The following CLIP1 variants were observed in gnomAD, a reference collection of about 807,000 sequenced individuals.
The protein encoded by CLIP1 is CAP-Gly domain containing linker protein 1, also known as CAP-Gly domain-containing linker protein 1.
Under a neutral mutation model 161.6 loss-of-function variants are expected in CLIP1, and 66 were observed. The ratio of observed to expected loss-of-function variants is 0.41; its 90% CI spans 0.33 to 0.50. The LOEUF is 0.50. Among genes scored for constraint, CLIP1 ranks in the 20% least tolerant of loss-of-function variants. The pLI is 0.27. For synonymous variants in CLIP1, 598 were observed against 626.2 expected, an observed-to-expected ratio of 0.96 and a Z score of 0.67; for missense variants, 1,376 against 1,702.0, an observed-to-expected ratio of 0.81 and a Z score of 3.37.
intron 8 of CLIP1, among the ~76,000 whole-genome samples, chr12:122,351,526 T>A (rs1428307900): frequency 6.6e-6 from 1 of 152,208 alleles, no homozygotes; most frequent in African/African-American, 2.4e-5. Context: ...AATGCCCCCC[T>A]TGCTCTTTGT....
rs200905334 is a variant in CLIP1 at position 122,341,433 on chromosome 12, G to T, written c.1771C>A (p.Leu591Met). The T allele has an allele frequency of 6.2e-7, 1 of 1,614,058 alleles. No individual in the cohort carries two copies. Among genetic ancestry groups the T allele is most frequent in the Non-Finnish European group, 8.5e-7 (1 of 1,179,978 alleles). ...EETHQKEIKA[L>M]YTATEKLSKE... ...GAAAGCTTTTCCGTGGCGGTATACA[G>T]AGCCTTTATCTCCTTCTGATGAGTT... The change falls in exon 11 of 26, where the codon CTG becomes ATG. Residue 591 changes from leucine (L) to methionine (M), a missense_variant. Leu to Met is a conservative substitution (Grantham distance 15). Around this residue, in one of 6 missense-constraint regions of CLIP1, gnomAD observed 948 missense variants for 1,134.8 expected, o/e 0.84. Coordinates refer to ENST00000620786, the MANE Select transcript of CLIP1 (RefSeq NM_001247997.2).
intron 20 of CLIP1, among the ~76,000 whole-genome samples, chr12:122,302,331 A>G (rs1162557787): frequency 6.6e-6 from 1 of 151,882 alleles, no homozygotes; most frequent in African/African-American, 2.4e-5. Flanking sequence ...TGAACTCCTG[A>G]CCTCAGGTGA....
chr12:122,374,926 C>T (rs1355720927), intron 3 of CLIP1, among the ~76,000 whole-genome samples: 1 of 152,132 alleles, frequency 6.6e-6, no homozygotes, highest in African/African-American at 2.4e-5. Context: ...AAATTCAGCA[C>T]AGAACATGCA....
chr12:122,383,740 G>A (rs1955115370), intron 1 of CLIP1, among the ~76,000 whole-genome samples: 1 of 151,962 alleles, frequency 6.6e-6, no homozygotes, highest in East Asian at 1.9e-4. Context: ...TCTTTGTCAT[G>A]GTACCCACAA....
chr12:122,361,325 A>G (rs1953795695), intron 4 of CLIP1, 144 bp from the exon 5 acceptor site: 1 of 659,534 alleles, frequency 1.5e-6, no homozygotes, highest in Non-Finnish European at 2.6e-6. Flanking sequence ...ACCAGCACGT[A>G]GCAGTCACAT....
intron 20 of CLIP1, among the ~76,000 whole-genome samples, chr12:122,293,474 ATTTC>A (rs1443327963): frequency 2.0e-5 from 3 of 148,208 alleles, no homozygotes; most frequent in Middle Eastern, 3.4e-3. Flanking sequence ...TGGTTTGAGA[ATTTC>A]TTTTTCTTTT....
At chr12:122,389,485 G>A (rs1955487122) in intron 1 of CLIP1, among the ~76,000 whole-genome samples, 1 of 152,064 alleles carries the variant, frequency 6.6e-6, no homozygotes, top group South Asian at 2.1e-4. Flanking sequence ...AGGGCCGGGT[G>A]CGGTGGCTCA....
chr12:122,404,129 G>C (rs1486124348), intron 1 of CLIP1, among the ~76,000 whole-genome samples: 2 of 152,208 alleles, frequency 1.3e-5, no homozygotes, highest in African/African-American at 2.4e-5. Context: ...CCCAAAGCTT[G>C]GCCCTGAACA....
At chr12:122,394,941 T>C (rs1955852040) in intron 1 of CLIP1, among the ~76,000 whole-genome samples, 1 of 152,124 alleles carries the variant, frequency 6.6e-6, no homozygotes, top group Non-Finnish European at 1.5e-5. Flanking sequence ...AACCAACACC[T>C]TTTCTTCCAA....
chr12:122,294,200 G>A (rs1241722683), intron 20 of CLIP1, among the ~76,000 whole-genome samples: 2 of 151,054 alleles, frequency 1.3e-5, no homozygotes, highest in African/African-American at 2.4e-5. Context: ...GTGGTGGTGG[G>A]TGCCTGTAGT....
chr12:122,385,519 G>A (rs897646646), intron 1 of CLIP1, among the ~76,000 whole-genome samples: 3 of 152,184 alleles, frequency 2.0e-5, no homozygotes, highest in Non-Finnish European at 4.4e-5. Flanking sequence ...AAGGATAGGA[G>A]GTGGTGGTTA....
chr12:122,329,479 A>C (rs1202275152), intron 15 of CLIP1, among the ~76,000 whole-genome samples: 1 of 151,564 alleles, frequency 6.6e-6, no homozygotes, highest in Non-Finnish European at 1.5e-5. Context: ...AAATACAAAA[A>C]ATTAGCCGGG....
chr12:122,336,389 G>A (rs1169139736), intron 12 of CLIP1, among the ~76,000 whole-genome samples: 10 of 146,928 alleles, frequency 6.8e-5, no homozygotes, highest in African/African-American at 2.3e-4. Flanking sequence ...AAAGCAGTGC[G>A]TTACCAAAGG....
At chr12:122,298,379 C>T (rs959917100) in intron 20 of CLIP1, among the ~76,000 whole-genome samples, 1 of 151,992 alleles carries the variant, frequency 6.6e-6, no homozygotes, top group Admixed American at 6.6e-5. Context: ...GAGGCCGAGG[C>T]GGGTGGATCA....
rs560049302 is a variant in CLIP1 at position 122,404,052 on chromosome 12, T to G, written c.-107+18469A>C. Among the ~76,000 whole-genome samples, 697 of 152,290 alleles carry G rather than the reference T, an allele frequency of 4.6e-3. 3 individuals are homozygous for G. Among genetic ancestry groups the G allele is most frequent in the Non-Finnish European group, 8.1e-3 (552 of 68,024 alleles). On this transcript the variant is annotated intron_variant, in intron 1 of 25. Coordinates refer to ENST00000620786, the MANE Select transcript of CLIP1 (RefSeq NM_001247997.2). The stretch of plus-strand genomic sequence containing the variant: ...CAAGGTAGAATACCCGGTAAGCGCA[T>G]GAGTGAGCGGTCTACGCGAGCTGAG...
At chr12:122,388,066 A>G (rs1955402053) in intron 1 of CLIP1, among the ~76,000 whole-genome samples, 1 of 152,164 alleles carries the variant, frequency 6.6e-6, no homozygotes, top group African/African-American at 2.4e-5. Context: ...TCAAGAGTCA[A>G]CTATACATAA....
chr12:122,336,885 T>C, intron 11 of CLIP1, 137 bp from the exon 12 acceptor site: 1 of 452,258 alleles, frequency 2.2e-6, no homozygotes, highest in Non-Finnish European at 3.9e-6. Context: ...AATTTGGTGT[T>C]GGTTTTTAAT....
chr12:122,420,204 G>C (rs1233138319), intron 1 of CLIP1, among the ~76,000 whole-genome samples: 1 of 151,710 alleles, frequency 6.6e-6, no homozygotes, highest in African/African-American at 2.4e-5. Flanking sequence ...AATTAGCCAG[G>C]CATGGTGGCA....
chr12:122,276,775 A>C (rs759084452), intron 24 of CLIP1: 3 of 214,544 alleles, frequency 1.4e-5, no homozygotes, highest in Non-Finnish European at 2.9e-5. Flanking sequence ...CAAGTACAGA[A>C]TAGTTTGCCT....
Sources: gnomAD v4.1 joint callset for allele counts (sites outside exome capture counted in the v4.1 genomes callset) on GRCh38, gnomAD v4.1.1 for gene constraint, gnomAD v4.1.1 regional missense constraint, MANE v1.5 for transcripts, NCBI Gene and HGNC (gene_info 2026-07-23, HGNC 2026-07-21) for gene names.